The following WDR89 variants were observed in gnomAD, a reference collection of about 807,000 sequenced individuals.
The protein encoded by WDR89 is WD repeat-containing protein 89.
A neutral mutation model predicts 29.1 loss-of-function variants in WDR89; 17 were observed. The ratio of observed to expected loss-of-function variants is 0.58; its 90% CI spans 0.40 to 0.88. WDR89 has a LOEUF of 0.88. Ranked by LOEUF, WDR89 falls within the 40% of genes least tolerant of loss-of-function variation. The pLI, the probability that WDR89 is intolerant of heterozygous loss-of-function variation, is 0.00. For synonymous variants in WDR89, 138 were observed against 157.8 expected (o/e 0.87, Z 0.94); for missense variants, 396 against 456.3 (o/e 0.87, Z 1.20).
chr14:63,636,273 C>T (rs1007911861), intron 1 of WDR89, among the ~76,000 whole-genome samples: 11 of 152,118 alleles, frequency 7.2e-5, no homozygotes, highest in Non-Finnish European at 1.5e-4. Flanking sequence ...TCATAGACAA[C>T]ACAAATGGAA....
intron 1 of WDR89, among the ~76,000 whole-genome samples, chr14:63,634,388 G>C (rs879327519): frequency 6.6e-6 from 1 of 152,118 alleles, no homozygotes. Context: ...TGGGCCTGGT[G>C]GTGGGTGCCT....
intron 1 of WDR89, among the ~76,000 whole-genome samples, chr14:63,638,543 CAA>C (rs1883895319): frequency 1.3e-5 from 2 of 152,098 alleles, no homozygotes; most frequent in Admixed American, 6.5e-5. Context: ...AAACTGAATG[CAA>C]AAGTCACATA....
chr14:63,598,830 T>TAC lies in WDR89; in HGVS notation c.1112_1113insGT (p.Arg372TyrfsTer33). ...AATCATTACTATGAACTCGTACTCG[T>TAC]TGGTGCACAGAGGATGCTATTTTCA... On this transcript the variant is annotated frameshift_variant, in exon 3 of 3. Coordinates refer to ENST00000620954, the MANE Select transcript of WDR89 (RefSeq NM_080666.4). LOFTEE classifies it high-confidence loss of function. 1.2e-6 allele frequency: 2 copies of TAC among 1,612,402 alleles called. No homozygotes were observed. The highest frequency in any genetic ancestry group is 1.7e-6 in the Non-Finnish European group (2 of 1,179,368).
At chr14:63,629,872 G>A (rs1883287635) in intron 1 of WDR89, among the ~76,000 whole-genome samples, 1 of 152,170 alleles carries the variant, frequency 6.6e-6, no homozygotes, top group Non-Finnish European at 1.5e-5. Flanking sequence ...ACCTACAGCA[G>A]CTACGTTAAA....
chr14:63,626,045 G>C (rs1187367207), intron 1 of WDR89, among the ~76,000 whole-genome samples: 1 of 151,864 alleles, frequency 6.6e-6, no homozygotes, highest in Non-Finnish European at 1.5e-5. Context: ...GTAGAGATGG[G>C]GTTTCACCAT....
chr14:63,633,937 A>G (rs1883568030), intron 1 of WDR89, among the ~76,000 whole-genome samples: 2 of 152,260 alleles, frequency 1.3e-5, no homozygotes, highest in South Asian at 2.1e-4. Context: ...GACTTAAGCT[A>G]TCAAACCGTT....
intron 1 of WDR89, among the ~76,000 whole-genome samples, chr14:63,640,696 T>C (rs2139589866): frequency 6.6e-6 from 1 of 151,146 alleles, no homozygotes; most frequent in Admixed American, 6.6e-5. Context: ...CAGGCTGGTC[T>C]CGAACTCCTG....
chr14:63,609,396 A>G (rs1566792002), intron 2 of WDR89, among the ~76,000 whole-genome samples: 1 of 152,336 alleles, frequency 6.6e-6, no homozygotes, highest in East Asian at 1.9e-4. Flanking sequence ...CACAATATCA[A>G]ATAAACAACT....
chr14:63,601,630 T>C (rs1382086155), intron 2 of WDR89: 7 of 1,613,230 alleles, frequency 4.3e-6, no homozygotes, highest in East Asian at 2.2e-5. Context: ...GGAAAAGTAT[T>C]GCAAGCAACA....
chr14:63,599,324 C>A lies in WDR89; in HGVS notation c.619G>T (p.Asp207Tyr). The change falls in exon 3 of 3, where the codon GAT (aspartate) becomes TAT (tyrosine). Residue 207 changes from aspartate to tyrosine, a missense_variant. Physicochemically the swap from Asp to Tyr is radical, Grantham distance 160. Transcript: ENST00000620954. The part of the protein sequence containing the change: ...VFDINIDNEE[D>Y]ALVTTCNSIS... Reference sequence around the variant, plus strand: ...GAGTTACAGGTTGTAACCAGTGCATCCTCCTCATTATCAATATTAATATCA... The same window carrying A: ...GAGTTACAGGTTGTAACCAGTGCATACTCCTCATTATCAATATTAATATCA... 6.2e-7 allele frequency: 1 copy of A among 1,614,096 alleles called. No homozygotes were observed. The highest frequency in any genetic ancestry group is 1.1e-5 in the South Asian group (1 of 91,084).
intron 2 of WDR89, among the ~76,000 whole-genome samples, chr14:63,605,776 C>T (rs1226130495): frequency 1.3e-5 from 2 of 151,908 alleles, no homozygotes; most frequent in Non-Finnish European, 2.9e-5. Flanking sequence ...TACTTTTAAT[C>T]GTTATTTTAG....
At chr14:63,635,309 C>G (rs989042070) in intron 1 of WDR89, among the ~76,000 whole-genome samples, 2 of 152,124 alleles carry the variant, frequency 1.3e-5, no homozygotes, top group Non-Finnish European at 1.5e-5. Flanking sequence ...ACCAGGAATG[C>G]AGGGATGGTT....
intron 2 of WDR89, among the ~76,000 whole-genome samples, chr14:63,608,248 T>C (rs1881721713): frequency 6.6e-6 from 1 of 151,814 alleles, no homozygotes; most frequent in Non-Finnish European, 1.5e-5. Context: ...AACAACTTAA[T>C]ATAGAATTGC....
intron 2 of WDR89, among the ~76,000 whole-genome samples, chr14:63,602,733 T>C (rs1895133507): frequency 6.6e-6 from 1 of 150,474 alleles, no homozygotes; most frequent in East Asian, 2.0e-4. Context: ...GATCGCGCCG[T>C]TGCACTCCAT....
intron 2 of WDR89, among the ~76,000 whole-genome samples, chr14:63,620,897 CAAA>C (rs539451063): frequency 6.0e-5 from 5 of 82,954 alleles, no homozygotes; most frequent in Admixed American, 1.3e-4. Context: ...GACTCCATCT[CAAA>C]AAAAAAAAAA....
chr14:63,634,075 T>C (rs888665468), intron 1 of WDR89, among the ~76,000 whole-genome samples: 1 of 152,154 alleles, frequency 6.6e-6, no homozygotes, highest in African/African-American at 2.4e-5. Context: ...TAGAAAGATG[T>C]TTACCATATT....
chr14:63,631,163 T>G (rs1274893693), intron 1 of WDR89, among the ~76,000 whole-genome samples: 1 of 152,196 alleles, frequency 6.6e-6, no homozygotes, highest in Non-Finnish European at 1.5e-5. Context: ...TTAACTTGAT[T>G]TGATCATTAC....
In WDR89 at chr14:63,599,314, A is replaced by T. The variant is rs776617300; in HGVS notation, c.629T>A (p.Val210Asp). The change falls in exon 3 of 3, where the codon GTT becomes GAT. Residue 210 changes from valine (V) to aspartate (D), a missense_variant. Val to Asp is a radical substitution (Grantham distance 152). Transcript: ENST00000620954. ...TGATGAAATTGAGTTACAGGTTGTA[A>T]CCAGTGCATCCTCCTCATTATCAAT... ...INIDNEEDAL[V>D]TTCNSISSVS... 6.2e-7 allele frequency: 1 copy of T among 1,614,038 alleles called. No individual in the cohort carries two copies.
chr14:63,602,987 A>C (rs995582946), intron 2 of WDR89, among the ~76,000 whole-genome samples: 1 of 151,996 alleles, frequency 6.6e-6, no homozygotes, highest in Non-Finnish European at 1.5e-5. Flanking sequence ...CGACCTCCTG[A>C]CCTCGTGATC....
Sources: allele counts gnomAD v4.1 joint callset (sites outside exome capture counted in the v4.1 genomes callset), GRCh38; gene constraint gnomAD v4.1.1; transcripts MANE v1.5; gene names NCBI Gene and HGNC (gene_info 2026-07-23, HGNC 2026-07-21).